ZNF81: variants seen among roughly 807,000 people sequenced by gnomAD.
ZNF81 encodes the protein zinc finger protein 81 (HFZ20).
Under a neutral mutation model 32.3 loss-of-function variants are expected in ZNF81, and 5 were observed. The observed-to-expected ratio is 0.15, with a 90% CI of 0.08 to 0.33. ZNF81 has a LOEUF of 0.33. Ranked by LOEUF, ZNF81 falls within the 10% of genes least tolerant of loss-of-function variation. The pLI is 1.00. For missense variants in ZNF81, 379 were observed against 479.8 expected, an observed-to-expected ratio of 0.79 and a Z score of 1.96; for synonymous variants, 163 against 166.8, an observed-to-expected ratio of 0.98 and a Z score of 0.17.
Position 47,919,055 on chromosome X carries a change from C to A in ZNF81, c.*2423C>A, listed in dbSNP as rs2058767220. 2 of 304,332 alleles carry A rather than the reference C, an allele frequency of 6.6e-6. No homozygotes were observed. The highest frequency in any genetic ancestry group is 2.7e-5 in the African/African-American group (1 of 36,874). The allele number at this position is 304,332 out of a possible 1,213,427, so 25.1% of individuals were successfully genotyped here. A position where few individuals can be genotyped will look rare whatever the true frequency, so the allele number is the denominator to read the frequency against. On this transcript the variant is annotated 3_prime_UTR_variant, in exon 5 of 5. Transcript: ENST00000338637. ...CAAGGAACCTCAGCCACACCTGAAC[C>A]TGATACAGAAGACTTGAGATTCTGG...
intron 2 of ZNF81, among the ~76,000 whole-genome samples, chrX:47,856,554 A>T (rs2058517928): frequency 1.8e-5 from 2 of 112,417 alleles, no homozygotes; most frequent in South Asian, 7.2e-4. Context: ...GCTTAAAATC[A>T]TTCATTAAAA....
At chrX:47,861,558 C>T (rs1459955704) in intron 2 of ZNF81, among the ~76,000 whole-genome samples, 1 of 111,785 alleles carries the variant, frequency 8.9e-6, no homozygotes, top group Non-Finnish European at 1.9e-5. Flanking sequence ...TTGTCTCATG[C>T]AGCACTTAAT....
At chrX:47,877,957 G>A (rs1374439491) in intron 2 of ZNF81, among the ~76,000 whole-genome samples, 1 of 111,449 alleles carries the variant, frequency 9.0e-6, no homozygotes, top group Non-Finnish European at 1.9e-5. Flanking sequence ...CTTACCAAGA[G>A]GGCTAACTAT....
intron 1 of ZNF81, chrX:47,841,235 G>A: frequency 2.7e-6 from 2 of 730,408 alleles, no homozygotes; most frequent in South Asian, 4.2e-5. Flanking sequence ...ACCTTGGCTT[G>A]TCTATGTTTA....
Position 47,917,296 on chromosome X carries a change from AAATAT to A in ZNF81, c.*668_*672del. On this transcript the variant is annotated 3_prime_UTR_variant, in exon 5 of 5. Coordinates refer to ENST00000338637, the MANE Select transcript of ZNF81 (RefSeq NM_007137.5). ...CAGATATAATTTTATAAGAACACACAAATATAATCCTGTCATTCGTACTGGTTTCC... is the reference window on the plus strand; with the variant it reads ...CAGATATAATTTTATAAGAACACACAAATCCTGTCATTCGTACTGGTTTCC... 1 of 297,320 alleles carries A rather than the reference AAATAT, an allele frequency of 3.4e-6. No homozygotes were observed. The highest frequency in any genetic ancestry group is 5.9e-6 in the Non-Finnish European group (1 of 170,108). 24.5% of individuals were successfully genotyped at this position (297,320 alleles called of 1,213,427 possible).
rs868968034 is a variant in ZNF81 at position 47,917,748 on chromosome X, T to C, written c.*1116T>C. On this transcript the variant is annotated 3_prime_UTR_variant, in exon 5 of 5. Coordinates refer to ENST00000338637, the MANE Select transcript of ZNF81 (RefSeq NM_007137.5). The stretch of plus-strand genomic sequence containing the variant: ...TTATTCCAGCTGATTTACAGAATTG[T>C]GAGATAAATAAAATGATGATAGTTT... 3.9e-4 allele frequency: 46 copies of C among 117,388 alleles called. No homozygotes were observed. Among genetic ancestry groups the C allele is most frequent in the Admixed American group, 7.5e-4 (8 of 10,642 alleles). The allele number at this position is 117,388 out of a possible 1,213,427, so 9.7% of individuals were successfully genotyped here.
chrX:47,860,393 G>A (rs2058535169), intron 2 of ZNF81, among the ~76,000 whole-genome samples: 1 of 108,567 alleles, frequency 9.2e-6, no homozygotes, highest in South Asian at 4.1e-4. Flanking sequence ...GTGTTAGTCA[G>A]GATGGTCTCA....
chrX:47,910,156 T>C (rs2058734750), intron 4 of ZNF81, among the ~76,000 whole-genome samples: 1 of 111,724 alleles, frequency 9.0e-6, no homozygotes, highest in Admixed American at 9.5e-5. Context: ...ATGGTATTTC[T>C]AGTTCTAGAT....
chrX:47,847,741 C>T (rs2058476648), intron 2 of ZNF81, among the ~76,000 whole-genome samples: 1 of 111,432 alleles, frequency 9.0e-6, no homozygotes, highest in South Asian at 3.8e-4. Flanking sequence ...ATGACAGGTA[C>T]ATTTTATGAA....
intron 2 of ZNF81, among the ~76,000 whole-genome samples, chrX:47,880,728 T>C (rs959933538): frequency 8.9e-5 from 10 of 112,325 alleles, no homozygotes; most frequent in African/African-American, 3.2e-4. Context: ...ATGATCAGAC[T>C]CCAGCATACT....
chrX:47,864,215 C>A (rs1556882944), intron 2 of ZNF81, among the ~76,000 whole-genome samples: 1 of 111,225 alleles, frequency 9.0e-6, no homozygotes, highest in Non-Finnish European at 1.9e-5. Flanking sequence ...GAGGCTTTTC[C>A]AGTGCTTAAT....
At chrX:47,887,025 G>A (rs1556885844) in intron 2 of ZNF81, among the ~76,000 whole-genome samples, 1 of 111,978 alleles carries the variant, frequency 8.9e-6, no homozygotes, top group East Asian at 2.8e-4. Flanking sequence ...CAAGGTTTAT[G>A]CTTTTTTCCT....
intron 4 of ZNF81, among the ~76,000 whole-genome samples, chrX:47,912,722 A>C (rs2058743346): frequency 9.1e-6 from 1 of 109,783 alleles, no homozygotes; most frequent in Non-Finnish European, 1.9e-5. Flanking sequence ...TGCCAAGTTC[A>C]GGTTTTAGTA....
chrX:47,849,008 TA>T (rs1556880847), intron 2 of ZNF81, among the ~76,000 whole-genome samples: 2 of 111,923 alleles, frequency 1.8e-5, no homozygotes, highest in Non-Finnish European at 3.8e-5. Flanking sequence ...TTCTCCTTTT[TA>T]TGTCACAGAA....
At chrX:47,860,262 G>A (rs2058534462) in intron 2 of ZNF81, among the ~76,000 whole-genome samples, 2 of 105,031 alleles carry the variant, frequency 1.9e-5, no homozygotes, top group South Asian at 8.9e-4. Context: ...TGCAAGCTCC[G>A]CCTCCTGGGT....
At chrX:47,843,959 G>A (rs1317862926) in intron 1 of ZNF81, among the ~76,000 whole-genome samples, 2 of 111,209 alleles carry the variant, frequency 1.8e-5, no homozygotes, top group Non-Finnish European at 3.8e-5. Flanking sequence ...AATGTTTTAG[G>A]TTGAATATAT....
chrX:47,924,135 A>C lies in ZNF81; in HGVS notation c.*7503A>C, dbSNP rs964200287. On this transcript the variant is annotated 3_prime_UTR_variant, in exon 5 of 5. Coordinates refer to ENST00000338637, the MANE Select transcript of ZNF81 (RefSeq NM_007137.5). ...GGTTTAGTGATTTCTTTAGTCTTCT[A>C]ACTCCCCCTTCTAAACCTTCCCCAG... is the stretch of plus-strand genomic sequence containing the variant. Among the ~76,000 whole-genome samples the C allele has an allele frequency of 4.5e-5, 5 of 111,956 alleles. No individual in the cohort carries two copies. The highest frequency in any genetic ancestry group is 1.6e-4 in the African/African-American group (5 of 30,800).
chrX:47,916,722 C>A lies in ZNF81; in HGVS notation c.*90C>A. On this transcript the variant is annotated 3_prime_UTR_variant, in exon 5 of 5. Transcript: ENST00000338637. ...ATTATAAAATTCATCCAAGACAGATCCTATATGAATACATTGTATAAGGAA... is the reference window on the plus strand; with the variant it reads ...ATTATAAAATTCATCCAAGACAGATACTATATGAATACATTGTATAAGGAA... 1 of 959,081 alleles carries A rather than the reference C, an allele frequency of 1.0e-6. No individual in the cohort carries two copies. The highest frequency in any genetic ancestry group is 1.4e-6 in the Non-Finnish European group (1 of 717,227). 79.0% of individuals were successfully genotyped at this position (959,081 alleles called of 1,213,427 possible). A position where few individuals can be genotyped will look rare whatever the true frequency, so the allele number is the denominator to read the frequency against.
intron 2 of ZNF81, among the ~76,000 whole-genome samples, chrX:47,855,614 GTTTTC>G (rs1413135300): frequency 2.7e-5 from 3 of 110,651 alleles, no homozygotes; most frequent in African/African-American, 9.9e-5. Context: ...TTTCTTGATT[GTTTTC>G]TTTTTTGTAC....
Sources: allele counts gnomAD v4.1 joint callset (sites outside exome capture counted in the v4.1 genomes callset), GRCh38; gene constraint gnomAD v4.1.1; transcripts MANE v1.5; gene names NCBI Gene and HGNC (gene_info 2026-07-23, HGNC 2026-07-21).